Variants in S100A8 observed in about 807,000 individuals in gnomAD.
S100A8 encodes S100 calcium binding protein A8, also known as protein S100-A8.
In S100A8, 1 loss-of-function variant was observed where a neutral mutation model predicts 4.2. That is an observed-to-expected ratio of 0.24 (90% confidence interval 0.08 to 1.12). The LOEUF (loss-of-function observed/expected upper bound fraction) is 1.12, where lower values mean the gene tolerates loss of function less well. Ranked by LOEUF, S100A8 falls within the 50% of genes most tolerant of loss-of-function variation. S100A8 has a pLI of 0.53. For missense variants in S100A8, 96 were observed against 111.8 expected, an observed-to-expected ratio of 0.86 and a Z score of 0.64; for synonymous variants, 41 against 44.7, an observed-to-expected ratio of 0.92 and a Z score of 0.33.
chr1:153,396,482 G>A, the S100A8 span: 3 of 152,844 alleles, frequency 2.0e-5, no homozygotes, highest in African/African-American at 4.8e-5. Context: ...CACACACACA[G>A]GGACACACAC....
intron 1 of S100A8, 57 bp from the exon 2 acceptor site, chr1:153,390,614 G>A: frequency 1.3e-6 from 2 of 1,589,422 alleles, no homozygotes; most frequent in African/African-American, 1.3e-5. Flanking sequence ...TCTGGCCAGG[G>A]CAGTACGCAG....
At position 153,390,777 on chromosome 1, in the gene S100A8, C is replaced by T. The variant is rs370195411; in HGVS notation, c.-22-220G>A. On this transcript the variant is annotated intron_variant, in intron 1 of 2. Coordinates refer to ENST00000368733, the MANE Select transcript of S100A8 (RefSeq NM_002964.5). ...CCATTCACACAGAGACATGTGCACA[C>T]ACACGGGGCCCGTAGACTTTCCTTA... 2.2e-5 allele frequency: 13 copies of T among 604,270 alleles called. No individual in the cohort carries two copies. In the African/African-American group the frequency reaches 2.4e-4, roughly 11 times the overall value. 37.4% of individuals were successfully genotyped at this position (604,270 alleles called of 1,614,324 possible).
chr1:153,391,137 G>A, upstream of S100A8: 2 of 985,520 alleles, frequency 2.0e-6, no homozygotes, highest in Non-Finnish European at 2.4e-6. Flanking sequence ...ACAGCTTCAG[G>A]CCATCAGAGA....
the S100A8 span, among the ~76,000 whole-genome samples, chr1:153,401,093 G>A: frequency 6.6e-6 from 1 of 152,150 alleles, no homozygotes; most frequent in Non-Finnish European, 1.5e-5. Flanking sequence ...GCACAGCTGC[G>A]CTGTAACTGC....
the S100A8 span, among the ~76,000 whole-genome samples, chr1:153,414,741 T>C: frequency 6.6e-6 from 1 of 152,190 alleles, no homozygotes; most frequent in Non-Finnish European, 1.5e-5. Flanking sequence ...TACCATAGGA[T>C]CCAGAAATCA....
chr1:153,415,534 C>G, the S100A8 span, among the ~76,000 whole-genome samples: 2 of 152,208 alleles, frequency 1.3e-5, no homozygotes, highest in African/African-American at 4.8e-5. Flanking sequence ...TTGCCCCTAC[C>G]TGGTTCAGGC....
chr1:153,398,596 C>T, the S100A8 span, among the ~76,000 whole-genome samples: 1 of 152,190 alleles, frequency 6.6e-6, no homozygotes, highest in African/African-American at 2.4e-5. Flanking sequence ...CCTCCCACTC[C>T]CCACTTCCTC....
chr1:153,421,695 G>A, the S100A8 span: 2 of 152,256 alleles, frequency 1.3e-5, no homozygotes, highest in East Asian at 1.9e-4. Context: ...TCTCCCAAAA[G>A]AAGAGAGGGT....
At chr1:153,416,267 C>T in the S100A8 span, among the ~76,000 whole-genome samples, 1 of 152,282 alleles carries the variant, frequency 6.6e-6, no homozygotes, top group African/African-American at 2.4e-5. Flanking sequence ...CCTGTTACTA[C>T]ACATGTACCG....
At chr1:153,409,441 A>G in the S100A8 span, among the ~76,000 whole-genome samples, 1 of 152,360 alleles carries the variant, frequency 6.6e-6, no homozygotes, top group Admixed American at 6.5e-5. Flanking sequence ...TCCTAAATAT[A>G]TATGCACCCA....
chr1:153,399,385 A>G, the S100A8 span, among the ~76,000 whole-genome samples: 1 of 152,178 alleles, frequency 6.6e-6, no homozygotes, highest in Non-Finnish European at 1.5e-5. Context: ...TGAAGCATCT[A>G]AGAATCACAA....
At chr1:153,415,998 C>T in the S100A8 span, among the ~76,000 whole-genome samples, 2 of 152,196 alleles carry the variant, frequency 1.3e-5, no homozygotes, top group African/African-American at 4.8e-5. Context: ...CTCAACTTCT[C>T]CTTTCCTAAA....
chr1:153,419,360 C>G, the S100A8 span: 1 of 1,542,252 alleles, frequency 6.5e-7, no homozygotes, highest in Non-Finnish European at 8.8e-7. Flanking sequence ...TAAGTGTCTC[C>G]TCCCACCAGA....
the S100A8 span, among the ~76,000 whole-genome samples, chr1:153,416,193 G>A: frequency 6.6e-6 from 1 of 152,132 alleles, no homozygotes; most frequent in African/African-American, 2.4e-5. Context: ...TGCTGCCTTT[G>A]GGAGTCTGAA....
At chr1:153,412,878 G>T in the S100A8 span, among the ~76,000 whole-genome samples, 4 of 152,110 alleles carry the variant, frequency 2.6e-5, no homozygotes, top group Non-Finnish European at 4.4e-5. Context: ...GCAGACTATC[G>T]CAAGGATAGA....
chr1:153,403,129 A>G, the S100A8 span, among the ~76,000 whole-genome samples: 1 of 152,260 alleles, frequency 6.6e-6, no homozygotes, highest in Non-Finnish European at 1.5e-5. Flanking sequence ...AAGTAAAGTC[A>G]TAAAGCCTCA....
upstream of S100A8, among the ~76,000 whole-genome samples, chr1:153,392,696 T>C (rs1477378999): frequency 6.6e-6 from 1 of 152,232 alleles, no homozygotes; most frequent in Admixed American, 6.5e-5. Context: ...ACAGCTCTCC[T>C]GTTCTGTGAA....
the S100A8 span, among the ~76,000 whole-genome samples, chr1:153,402,720 C>T: frequency 6.6e-6 from 1 of 152,160 alleles, no homozygotes; most frequent in Non-Finnish European, 1.5e-5. Flanking sequence ...AGATTCAGTG[C>T]AATCCCAGTC....
At chr1:153,415,460 TCA>T in the S100A8 span, among the ~76,000 whole-genome samples, 7 of 152,134 alleles carry the variant, frequency 4.6e-5, no homozygotes, top group African/African-American at 1.7e-4. Flanking sequence ...AAAGTCCATT[TCA>T]GTGATTCATC....
Sources: gnomAD v4.1 joint callset for allele counts (sites outside exome capture counted in the v4.1 genomes callset) on GRCh38, gnomAD v4.1.1 for gene constraint, MANE v1.5 for transcripts, NCBI Gene and HGNC (gene_info 2026-07-23, HGNC 2026-07-21) for gene names.